GALNT16: variants seen among roughly 807,000 people sequenced by gnomAD.
The protein encoded by GALNT16 is UDP-GalNAc:polypeptide N-acetylgalactosaminyltransferase-like protein 1.
A neutral mutation model predicts 76.1 loss-of-function variants in GALNT16; 40 were observed. The observed-to-expected ratio is 0.53, with a 90% CI of 0.41 to 0.68. GALNT16 has a LOEUF of 0.68. Among genes scored for constraint, GALNT16 ranks in the 30% least tolerant of loss-of-function variants. GALNT16 has a pLI of 0.00. For missense variants in GALNT16, 621 were observed against 731.9 expected (o/e 0.85, Z 1.75); for synonymous variants, 276 against 285.2 (o/e 0.97, Z 0.32).
intron 1 of GALNT16, among the ~76,000 whole-genome samples, chr14:69,301,279 C>T (rs1459736679): frequency 1.4e-4 from 22 of 152,130 alleles, no homozygotes; most frequent in Admixed American, 1.2e-3. Context: ...AGCAGGTGTG[C>T]GATCACTCTT....
At chr14:69,371,548 A>G in the GALNT16 span, among the ~76,000 whole-genome samples, 4 of 151,358 alleles carry the variant, frequency 2.6e-5, no homozygotes, top group Non-Finnish European at 4.4e-5. Context: ...TAGCCACCAC[A>G]CCCGGCCTAA....
chr14:69,338,072 A>G (rs539282493), intron 9 of GALNT16, among the ~76,000 whole-genome samples: 2 of 152,218 alleles, frequency 1.3e-5, no homozygotes, highest in African/African-American at 4.8e-5. Context: ...ACCACTGGGG[A>G]CCACAGTCAT....
chr14:69,350,300 A>AC (rs1195966854), intron 14 of GALNT16: 2 of 152,166 alleles, frequency 1.3e-5, no homozygotes, highest in Non-Finnish European at 2.9e-5. Context: ...ATGGTCCTTG[A>AC]CCCCCAGGGA....
chr14:69,346,656 C>T (rs1268606531), intron 12 of GALNT16, among the ~76,000 whole-genome samples: 1 of 152,204 alleles, frequency 6.6e-6, no homozygotes, highest in African/African-American at 2.4e-5. Flanking sequence ...CTCTTCAAAG[C>T]GCTCCCTTCC....
At chr14:69,278,586 AT>A (rs1398202773) in intron 1 of GALNT16, among the ~76,000 whole-genome samples, 3 of 152,044 alleles carry the variant, frequency 2.0e-5, no homozygotes, top group Non-Finnish European at 4.4e-5. Flanking sequence ...CTAGGATTTC[AT>A]TGTTGTCTAC....
rs2044263642 is a variant in GALNT16 at position 69,261,045 on chromosome 14, C to G, written c.177+578C>G. Among the ~76,000 whole-genome samples, 2 of 152,316 alleles carry G rather than the reference C, an allele frequency of 1.3e-5. No homozygotes were observed. The highest frequency in any genetic ancestry group is 2.1e-4 in the South Asian group (1 of 4,826). ...GGACACCCAGCTTCCCCGGAGTTCT[C>G]TGGGTTGAGGAGAGGTCTCGCACTG... On this transcript the variant is annotated intron_variant, in intron 1 of 14. Coordinates refer to ENST00000448469, the MANE Select transcript of GALNT16 (RefSeq NM_001168368.2). This position sits in a 1 kb window ranked among gnomAD's most constrained non-coding sequence, Gnocchi z 6.4.
the GALNT16 span, among the ~76,000 whole-genome samples, chr14:69,377,762 G>C: frequency 8.6e-6 from 1 of 115,734 alleles, no homozygotes; most frequent in African/African-American, 3.3e-5. Flanking sequence ...AGGCATGATT[G>C]CACCACTGCA....
At chr14:69,328,246 C>T (rs2045309925) in intron 5 of GALNT16, among the ~76,000 whole-genome samples, 1 of 151,820 alleles carries the variant, frequency 6.6e-6, no homozygotes, top group Non-Finnish European at 1.5e-5. Context: ...GGGGTGTGAC[C>T]CTGGAGTGAT....
At chr14:69,365,564 C>T in the GALNT16 span, among the ~76,000 whole-genome samples, 6 of 152,132 alleles carry the variant, frequency 3.9e-5, no homozygotes, top group East Asian at 1.2e-3. Flanking sequence ...ACAAGTGGAA[C>T]TGAATGATGA....
chr14:69,277,370 T>G (rs1318694041), intron 1 of GALNT16, among the ~76,000 whole-genome samples: 1 of 152,134 alleles, frequency 6.6e-6, no homozygotes, highest in Non-Finnish European at 1.5e-5. Flanking sequence ...TATCCCTCCC[T>G]GCTCCCCGCC....
chr14:69,263,186 C>G (rs2044299846), intron 1 of GALNT16, among the ~76,000 whole-genome samples: 1 of 152,110 alleles, frequency 6.6e-6, no homozygotes, highest in African/African-American at 2.4e-5. Flanking sequence ...GGATTCTCAC[C>G]CATTTCTGGG....
chr14:69,323,954 C>A (rs931797171), intron 2 of GALNT16, among the ~76,000 whole-genome samples: 2 of 152,168 alleles, frequency 1.3e-5, no homozygotes, highest in Non-Finnish European at 2.9e-5. Context: ...TAAATGCATA[C>A]GCAGAAACAA....
intron 14 of GALNT16, 106 bp downstream of exon 14, chr14:69,348,108 C>A: frequency 8.5e-7 from 1 of 1,172,978 alleles, no homozygotes; most frequent in Non-Finnish European, 1.3e-6. Flanking sequence ...ATAAGCCCTT[C>A]AGAGCGAGGA....
chr14:69,339,737 C>A (rs2045462911), intron 11 of GALNT16, 118 bp downstream of exon 11: 1 of 633,648 alleles, frequency 1.6e-6, no homozygotes, highest in South Asian at 1.9e-5. Context: ...CCACTGAGGT[C>A]CCACTCTAAT....
the GALNT16 span, among the ~76,000 whole-genome samples, chr14:69,382,789 C>CAA: frequency 1.9e-5 from 2 of 103,118 alleles, no homozygotes; most frequent in African/African-American, 3.7e-5. Flanking sequence ...ACTCTATCTC[C>CAA]AAAAGAAAAA....
At chr14:69,272,508 A>G (rs1028086789) in intron 1 of GALNT16, among the ~76,000 whole-genome samples, 77 of 152,324 alleles carry the variant, frequency 5.1e-4, no homozygotes, top group African/African-American at 1.6e-3. Flanking sequence ...TGGAACTGAA[A>G]TATTCCTCCC....
chr14:69,325,524 C>A, intron 4 of GALNT16, 120 bp downstream of exon 4: 2 of 725,764 alleles, frequency 2.8e-6, no homozygotes, highest in South Asian at 1.5e-5. Flanking sequence ...CTGCCCCCAG[C>A]AGGGATCCTG....
rs1387535359 is a variant in GALNT16, at chr14:69,333,464, C to T, written c.864-33C>T. 1 of 1,320,664 alleles carries T rather than the reference C, an allele frequency of 7.6e-7. No homozygotes were observed. The highest frequency in any genetic ancestry group is 1.4e-5 in the African/African-American group (1 of 69,528). 81.8% of individuals were successfully genotyped at this position (1,320,664 alleles called of 1,614,324 possible). ...AAAGGGCCTCCTTGCTTCTCCAGCT[C>T]ACGTGTTGCGTCTTCCCTCTCCTTG... On this transcript the variant is annotated intron_variant, in intron 8 of 14. Transcript: ENST00000448469. The surrounding 1 kb of genome is among the most constrained non-coding windows in gnomAD (Gnocchi z 4.2).
chr14:69,264,066 C>A (rs2044309924), intron 1 of GALNT16, among the ~76,000 whole-genome samples: 1 of 152,194 alleles, frequency 6.6e-6, no homozygotes, highest in African/African-American at 2.4e-5. Flanking sequence ...TTAGGTTTTC[C>A]ATATGCCAGT....
Sources: gnomAD v4.1 joint callset for allele counts (sites outside exome capture counted in the v4.1 genomes callset) on GRCh38, gnomAD v4.1.1 for gene constraint, Gnocchi (gnomAD v3.1) non-coding constraint, MANE v1.5 for transcripts, NCBI Gene and HGNC (gene_info 2026-07-23, HGNC 2026-07-21) for gene names.